NUAK1: variants seen among roughly 807,000 people sequenced by gnomAD.
NUAK1 encodes the protein NUAK family SNF1-like kinase 1.
In NUAK1, 26 loss-of-function variants were observed where a neutral mutation model predicts 56.9. The observed-to-expected ratio is 0.46, with a 90% CI of 0.33 to 0.63. The LOEUF (loss-of-function observed/expected upper bound fraction) is 0.63, where lower values mean the gene tolerates loss of function less well. Among genes scored for constraint, NUAK1 ranks in the 30% least tolerant of loss-of-function variants. The pLI is 0.02. For synonymous variants in NUAK1, 337 were observed against 336.0 expected (o/e 1.00, Z -0.03); for missense variants, 727 against 876.1 (o/e 0.83, Z 2.15).
intron 3 of NUAK1, chr12:106,084,178 T>A: frequency 1.8e-6 from 1 of 543,184 alleles, no homozygotes; most frequent in South Asian, 2.5e-5. Context: ...CTGGAATCTG[T>A]TCTCCCCCAG....
Position 106,067,267 on chromosome 12 carries a change from C to CG in NUAK1, c.1520dup (p.Asp508GlyfsTer37). 6.2e-7 allele frequency: 1 copy of CG among 1,613,972 alleles called. No homozygotes were observed. Among genetic ancestry groups the CG allele is most frequent in the Non-Finnish European group, 8.5e-7 (1 of 1,179,966 alleles). ...TGTGGGAGGTTACCCTGGCTGGGTC[C>CG]GGGGGGCTGGGGGAGGGGATGCTGC... On this transcript the variant is annotated frameshift_variant, in exon 7 of 7. Transcript: ENST00000261402. LOFTEE classifies it high-confidence loss of function. The surrounding 1 kb of genome is among the most constrained non-coding windows in gnomAD (Gnocchi z 6.0).
chr12:106,129,364 T>A (rs904914193), intron 1 of NUAK1, among the ~76,000 whole-genome samples: 1 of 152,240 alleles, frequency 6.6e-6, no homozygotes, highest in African/African-American at 2.4e-5. Flanking sequence ...CATTCATTCA[T>A]TCTTACTGAG....
At chr12:106,100,598 T>C (rs2032737854) in intron 2 of NUAK1, among the ~76,000 whole-genome samples, 1 of 152,248 alleles carries the variant, frequency 6.6e-6, no homozygotes, top group South Asian at 2.1e-4. Context: ...GCTTGCTTTG[T>C]TGGCCCTTGT....
intron 3 of NUAK1, among the ~76,000 whole-genome samples, chr12:106,086,393 A>T (rs573114013): frequency 6.6e-6 from 1 of 152,336 alleles, no homozygotes; most frequent in Non-Finnish European, 1.5e-5. Context: ...GAAATGTAAG[A>T]TGTTAATATT....
intron 1 of NUAK1, among the ~76,000 whole-genome samples, chr12:106,113,007 T>A (rs982787681): frequency 6.6e-6 from 1 of 152,190 alleles, no homozygotes; most frequent in Non-Finnish European, 1.5e-5. Flanking sequence ...CATTCTATTT[T>A]CAGAACATAA....
intron 2 of NUAK1, chr12:106,104,027 T>C (rs2032774779): frequency 6.6e-6 from 1 of 152,042 alleles, no homozygotes; most frequent in African/African-American, 2.4e-5. Flanking sequence ...ACAAACTACA[T>C]TGCTACATAG....
intron 2 of NUAK1, among the ~76,000 whole-genome samples, chr12:106,095,064 C>T (rs2032682307): frequency 6.6e-6 from 1 of 152,144 alleles, no homozygotes; most frequent in African/African-American, 2.4e-5. Context: ...TCATGATACA[C>T]ACTCCATATC....
At chr12:106,101,953 T>C (rs764265004) in intron 2 of NUAK1, among the ~76,000 whole-genome samples, 21 of 152,016 alleles carry the variant, frequency 1.4e-4, no homozygotes, top group African/African-American at 4.3e-4. Context: ...GTGAGAGGTG[T>C]AGGAGCTGGA....
rs1450578586 is a variant in NUAK1, at chr12:106,066,030, T to C, written c.*772A>G. ...GCTGACTCTATGTCCTTAGCAGAGTTCAGAGCATTCTCTCTCTGACCAAGG... is the reference window on the plus strand; with the variant it reads ...GCTGACTCTATGTCCTTAGCAGAGTCCAGAGCATTCTCTCTCTGACCAAGG... On this transcript the variant is annotated 3_prime_UTR_variant, in exon 7 of 7. Coordinates refer to ENST00000261402, the MANE Select transcript of NUAK1 (RefSeq NM_014840.3). 3 of 152,252 alleles carry C rather than the reference T, an allele frequency of 2.0e-5. No homozygotes were observed. The highest frequency in any genetic ancestry group is 4.8e-5 in the African/African-American group (2 of 41,446). The allele number at this position is 152,252 out of a possible 1,614,324, so 9.4% of individuals were successfully genotyped here.
chr12:106,106,384 A>C (rs758094376), intron 2 of NUAK1, 21 bp downstream of exon 2: 1 of 949,706 alleles, frequency 1.1e-6, no homozygotes, highest in South Asian at 2.2e-5. Flanking sequence ...ATGGGGGTTA[A>C]AAAAAAAAAA....
intron 1 of NUAK1, among the ~76,000 whole-genome samples, chr12:106,107,991 C>G (rs907534843): frequency 3.3e-5 from 5 of 152,118 alleles, no homozygotes; most frequent in African/African-American, 7.2e-5. Flanking sequence ...AACTTCCAGT[C>G]CTTAACACCA....
At chr12:106,123,866 C>T (rs944932617) in intron 1 of NUAK1, among the ~76,000 whole-genome samples, 5 of 152,098 alleles carry the variant, frequency 3.3e-5, no homozygotes, top group African/African-American at 9.7e-5. Context: ...CCACTGGGCC[C>T]GAGACACTGC....
At chr12:106,083,640 G>A (rs11112855) in intron 4 of NUAK1, among the ~76,000 whole-genome samples, 6,615 of 152,260 alleles carry the variant, frequency 0.043, 501 homozygotes, top group African/African-American at 0.15. Context: ...ATCTTACCCA[G>A]GGAGGAAGAA....
At position 106,072,765 on chromosome 12, in the gene NUAK1, A is replaced by C; in HGVS notation, c.658T>G (p.Ser220Ala). Reference sequence around the variant, plus strand: ...GGTCTCCCATTGACAATCTCAGGAGATGCATAGAGTGGACTCCCACAAAAC... The same window carrying C: ...GGTCTCCCATTGACAATCTCAGGAGCTGCATAGAGTGGACTCCCACAAAAC... ...QTFCGSPLYA[S>A]PEIVNGRPYR... The change falls in exon 5 of 7, where the codon TCT becomes GCT. Residue 220 changes from serine to alanine, a missense_variant. Physicochemically the swap from Ser to Ala is moderately conservative, Grantham distance 99. Transcript: ENST00000261402. 1 of 1,613,824 alleles carries C rather than the reference A, an allele frequency of 6.2e-7. No individual in the cohort carries two copies. Among genetic ancestry groups the C allele is most frequent in the Non-Finnish European group, 8.5e-7 (1 of 1,179,948 alleles).
chr12:106,072,631 G>GT (rs543053808), intron 5 of NUAK1, 93 bp downstream of exon 5: 51 of 1,403,596 alleles, frequency 3.6e-5, no homozygotes, highest in South Asian at 5.4e-5. Context: ...TTTAGGCTCT[G>GT]TTTTTTTAAG....
chr12:106,065,678 A>G lies in NUAK1; in HGVS notation c.*1124T>C, dbSNP rs1035300561. ...ATGGGGAAACCATCTGTCACTGGTGAACAGAGCCAATGGTTCAGCCAGGTA... is the reference window on the plus strand; with the variant it reads ...ATGGGGAAACCATCTGTCACTGGTGGACAGAGCCAATGGTTCAGCCAGGTA... On this transcript the variant is annotated 3_prime_UTR_variant, in exon 7 of 7. Coordinates refer to ENST00000261402, the MANE Select transcript of NUAK1 (RefSeq NM_014840.3). The G allele has an allele frequency of 6.6e-6, 1 of 152,656 alleles. No individual in the cohort carries two copies. The highest frequency in any genetic ancestry group is 1.5e-5 in the Non-Finnish European group (1 of 68,048). The allele number at this position is 152,656 out of a possible 1,614,324, so 9.5% of individuals were successfully genotyped here.
chr12:106,114,397 C>T (rs140663994), intron 1 of NUAK1, among the ~76,000 whole-genome samples: 20 of 152,338 alleles, frequency 1.3e-4, no homozygotes, highest in African/African-American at 4.8e-4. Context: ...TCAGTTTCCT[C>T]ACCTGCAAAT....
At chr12:106,089,425 T>C (rs1412742531) in intron 2 of NUAK1, among the ~76,000 whole-genome samples, 1 of 152,190 alleles carries the variant, frequency 6.6e-6, no homozygotes, top group African/African-American at 2.4e-5. Flanking sequence ...TTCGGTTCAA[T>C]ACAGTCCAAT....
At chr12:106,089,479 T>C (rs1026616783) in intron 2 of NUAK1, among the ~76,000 whole-genome samples, 1 of 152,222 alleles carries the variant, frequency 6.6e-6, no homozygotes, top group Non-Finnish European at 1.5e-5. Flanking sequence ...TCAGTCCTAC[T>C]GATCCTGTCT....
Sources: gnomAD v4.1 joint callset for allele counts (sites outside exome capture counted in the v4.1 genomes callset) on GRCh38, gnomAD v4.1.1 for gene constraint, Gnocchi (gnomAD v3.1) non-coding constraint, MANE v1.5 for transcripts, NCBI Gene and HGNC (gene_info 2026-07-23, HGNC 2026-07-21) for gene names.